RNF115: variants seen among roughly 807,000 people sequenced by gnomAD.
RNF115 encodes the protein E3 ubiquitin-protein ligase RNF115.
Under a neutral mutation model 39.2 loss-of-function variants are expected in RNF115, and 31 were observed. That is an observed-to-expected ratio of 0.79 (90% CI 0.59 to 1.07). The LOEUF is 1.07. Among genes scored for constraint, RNF115 ranks in the 50% least tolerant of loss-of-function variants. The pLI is 0.00. For missense variants in RNF115, 384 were observed against 381.7 expected, an observed-to-expected ratio of 1.01 and a Z score of -0.05; for synonymous variants, 124 against 131.0, an observed-to-expected ratio of 0.95 and a Z score of 0.37.
At chr1:145,797,078 A>G (rs1553720207) in intron 1 of RNF115, among the ~76,000 whole-genome samples, 4 of 152,178 alleles carry the variant, frequency 2.6e-5, no homozygotes, top group African/African-American at 9.7e-5. Flanking sequence ...GCATCTAAAC[A>G]ATGAAACCTC....
At chr1:145,787,532 C>T (rs1648440108) in intron 2 of RNF115, among the ~76,000 whole-genome samples, 1 of 143,362 alleles carries the variant, frequency 7.0e-6, no homozygotes, top group African/African-American at 2.6e-5. Flanking sequence ...AGATCGTGCC[C>T]TTGCACTCCA....
intron 1 of RNF115, among the ~76,000 whole-genome samples, chr1:145,822,036 T>C (rs1650273290): frequency 6.6e-6 from 1 of 151,258 alleles, no homozygotes. Context: ...CAAAGCTAAG[T>C]AGCATTTAGG....
At chr1:145,812,121 G>C (rs1649753437) in intron 1 of RNF115, among the ~76,000 whole-genome samples, 1 of 146,528 alleles carries the variant, frequency 6.8e-6, no homozygotes, top group African/African-American at 2.4e-5. Context: ...GTAAGAAAGA[G>C]CATGTAACTA....
intron 8 of RNF115, 62 bp downstream of exon 8, chr1:145,747,933 A>C: frequency 9.5e-7 from 1 of 1,047,820 alleles, no homozygotes; most frequent in Non-Finnish European, 1.5e-6. Flanking sequence ...ATCTCGAGGA[A>C]CTGTTAACTA....
chr1:145,793,459 T>C (rs986844281), intron 1 of RNF115, among the ~76,000 whole-genome samples: 3 of 152,112 alleles, frequency 2.0e-5, no homozygotes, highest in Non-Finnish European at 4.4e-5. Flanking sequence ...AAAAATGAAA[T>C]CACAGTGCTA....
intron 3 of RNF115, among the ~76,000 whole-genome samples, chr1:145,778,461 CAG>C (rs1647977225): frequency 6.6e-6 from 1 of 152,022 alleles, no homozygotes; most frequent in South Asian, 2.1e-4. Context: ...TACACTTTAA[CAG>C]GGTGAATTAC....
In RNF115 at chr1:145,743,042, G is replaced by C. The variant is rs990239482; in HGVS notation, c.*3824C>G. On this transcript the variant is annotated 3_prime_UTR_variant, in exon 9 of 9. Coordinates refer to ENST00000582693, the MANE Select transcript of RNF115 (RefSeq NM_014455.4). ...CTTGGTGAAACTTAATTGGGATGAG[G>C]AGCACTCTGTATACATGTATCATTT... 1.3e-5 allele frequency: 2 copies of C among 152,146 alleles called. No individual in the cohort carries two copies. Among genetic ancestry groups the C allele is most frequent in the African/African-American group, 4.8e-5 (2 of 41,428 alleles). 9.4% of individuals were successfully genotyped at this position (152,146 alleles called of 1,614,324 possible).
intron 1 of RNF115, among the ~76,000 whole-genome samples, chr1:145,813,342 A>G (rs1243057442): frequency 5.9e-5 from 9 of 152,192 alleles, no homozygotes; most frequent in East Asian, 1.9e-4. Flanking sequence ...AAATTTCTGG[A>G]GCTTATGAAA....
At position 145,767,681 on chromosome 1, in the gene RNF115, C is replaced by A. The variant is rs368594190; in HGVS notation, c.428+4030G>T. Among the ~76,000 whole-genome samples, 10 of 152,322 alleles carry A rather than the reference C, an allele frequency of 6.6e-5. No individual in the cohort carries two copies. In the South Asian group the frequency reaches 1.0e-3, roughly 16 times the overall value. The stretch of plus-strand genomic sequence containing the variant: ...ACGCCACTGCACTCCAGCCTGGGCA[C>A]CATTGAGCACTGAGTGAACGCAACT... On this transcript the variant is annotated intron_variant, in intron 4 of 8. Coordinates refer to ENST00000582693, the MANE Select transcript of RNF115 (RefSeq NM_014455.4).
chr1:145,760,228 G>C lies in RNF115; in HGVS notation c.429-7179C>G, dbSNP rs587689394. Among the ~76,000 whole-genome samples, 30 of 152,172 alleles carry C rather than the reference G, an allele frequency of 2.0e-4. No homozygotes were observed. In the South Asian group the frequency reaches 6.3e-3, roughly 32 times the overall value. ...CAAGACAGGAATACAAGACTAGCCT[G>C]GACAACATAAGGAGACCCCATCTCT... On this transcript the variant is annotated intron_variant, in intron 4 of 8. Coordinates refer to ENST00000582693, the MANE Select transcript of RNF115 (RefSeq NM_014455.4).
Position 145,810,934 on chromosome 1 carries a change from C to G in RNF115, c.102+12838G>C, listed in dbSNP as rs1165140595. On this transcript the variant is annotated intron_variant, in intron 1 of 8. Coordinates refer to ENST00000582693, the MANE Select transcript of RNF115 (RefSeq NM_014455.4). ...AGGCTGGAGTGCAGCGGTGTGATCA[C>G]GGTTCACTACAGCCTTGACCTCTTG... 9.4e-5 allele frequency among the ~76,000 whole-genome samples: 14 copies of G among 149,404 alleles called. No individual in the cohort carries two copies. In the South Asian group the frequency reaches 1.7e-3, roughly 18 times the overall value.
chr1:145,783,384 A>T (rs1352218162), intron 3 of RNF115, among the ~76,000 whole-genome samples: 2 of 152,184 alleles, frequency 1.3e-5, no homozygotes, highest in Non-Finnish European at 1.5e-5. Context: ...AAATCTAACA[A>T]CATCAAAATG....
chr1:145,798,235 C>G (rs587747044), intron 1 of RNF115, among the ~76,000 whole-genome samples: 14 of 152,106 alleles, frequency 9.2e-5, no homozygotes, highest in South Asian at 4.2e-4. Context: ...AGTTATAAAG[C>G]CTTTCCTCTA....
At chr1:145,763,867 C>G (rs1437263128) in intron 4 of RNF115, among the ~76,000 whole-genome samples, 3 of 151,948 alleles carry the variant, frequency 2.0e-5, no homozygotes, top group African/African-American at 7.2e-5. Context: ...ATTTTACCGT[C>G]TTAAAAAATT....
chr1:145,751,520 AGAT>A lies in RNF115; in HGVS notation c.501-13_501-11del. On this transcript the variant is annotated splice_polypyrimidine_tract_variant and intron_variant, in intron 5 of 8. Coordinates refer to ENST00000582693, the MANE Select transcript of RNF115 (RefSeq NM_014455.4). ...GTGCAGCATCCCGCTCCTATACGTGAGATGAGATAGACAGCATTAGATGGAGTG... is the reference window on the plus strand; with the variant it reads ...GTGCAGCATCCCGCTCCTATACGTGAGAGATAGACAGCATTAGATGGAGTG... 1 of 1,583,632 alleles carries A rather than the reference AGAT, an allele frequency of 6.3e-7. No homozygotes were observed. The highest frequency in any genetic ancestry group is 8.6e-7 in the Non-Finnish European group (1 of 1,160,918).
intron 3 of RNF115, among the ~76,000 whole-genome samples, chr1:145,782,132 C>T (rs1468631586): frequency 2.0e-5 from 3 of 151,838 alleles, no homozygotes; most frequent in Non-Finnish European, 4.4e-5. Flanking sequence ...CTTGAACTCC[C>T]AACCTCCCGT....
At chr1:145,777,588 T>C (rs1365982223) in intron 3 of RNF115, among the ~76,000 whole-genome samples, 1 of 152,050 alleles carries the variant, frequency 6.6e-6, no homozygotes, top group Non-Finnish European at 1.5e-5. Context: ...CATTTGTCTC[T>C]GAGTAGACTT....
intron 1 of RNF115, among the ~76,000 whole-genome samples, chr1:145,795,347 G>T (rs587734469): frequency 6.6e-6 from 1 of 152,058 alleles, no homozygotes; most frequent in Admixed American, 6.6e-5. Context: ...TCCACAACGC[G>T]GAAGGGACCC....
At chr1:145,776,760 C>T (rs904519234) in intron 3 of RNF115, among the ~76,000 whole-genome samples, 1 of 152,020 alleles carries the variant, frequency 6.6e-6, no homozygotes, top group African/African-American at 2.4e-5. Flanking sequence ...TGCTTGAACC[C>T]GGGAGGCAGA....
Sources: gnomAD v4.1 joint callset for allele counts (sites outside exome capture counted in the v4.1 genomes callset) on GRCh38, gnomAD v4.1.1 for gene constraint, MANE v1.5 for transcripts, NCBI Gene and HGNC (gene_info 2026-07-23, HGNC 2026-07-21) for gene names.